The following SNTB2 variants were observed in gnomAD, a reference collection of about 807,000 sequenced individuals.
SNTB2 encodes syntrophin beta 2.
SNTB2 carries 34 observed loss-of-function variants against 46.2 expected under a neutral mutation model. The observed-to-expected ratio is 0.74, with a 90% CI of 0.56 to 0.98. SNTB2 has a LOEUF of 0.98. Among genes scored for constraint, SNTB2 ranks in the 50% least tolerant of loss-of-function variants. The probability of loss-of-function intolerance (pLI) is 0.00; values close to 1 mark genes in which losing one functional copy is unlikely to be tolerated. For missense variants in SNTB2, 603 were observed against 731.4 expected, an observed-to-expected ratio of 0.82 and a Z score of 2.02; for synonymous variants, 290 against 312.6, an observed-to-expected ratio of 0.93 and a Z score of 0.76.
At chr16:69,208,391 AG>A (rs1348332695) in intron 1 of SNTB2, among the ~76,000 whole-genome samples, 1 of 151,292 alleles carries the variant, frequency 6.6e-6, no homozygotes, top group Admixed American at 6.6e-5. Flanking sequence ...GGGCAACAAG[AG>A]CAAAACTTCG....
intron 1 of SNTB2, among the ~76,000 whole-genome samples, chr16:69,209,487 T>A (rs576400035): frequency 6.6e-6 from 1 of 152,340 alleles, no homozygotes; most frequent in African/African-American, 2.4e-5. Flanking sequence ...ATTAAATTTG[T>A]TATCTTGAAA....
chr16:69,191,557 C>CAAA (rs1204153764), intron 1 of SNTB2, among the ~76,000 whole-genome samples: 6 of 60,294 alleles, frequency 1.0e-4, no homozygotes, highest in Non-Finnish European at 1.7e-4. Context: ...GATCCTGTCT[C>CAAA]AAAAAAAAAA....
In SNTB2 at chr16:69,302,650, A is replaced by C. The variant is rs992241755; in HGVS notation, c.*1726A>C. The C allele has an allele frequency of 1.3e-5, 2 of 152,206 alleles. No individual in the cohort carries two copies. The highest frequency in any genetic ancestry group is 2.4e-5 in the African/African-American group (1 of 41,454). The allele number at this position is 152,206 out of a possible 1,614,324, so 9.4% of individuals were successfully genotyped here. On this transcript the variant is annotated 3_prime_UTR_variant, in exon 7 of 7. Coordinates refer to ENST00000336278, the MANE Select transcript of SNTB2 (RefSeq NM_006750.4). ...CATTGTAACTCCATTGTCCTCCTTC[A>C]CCCATAAGTCAGTCCTCCTTCCTCA... is the stretch of plus-strand genomic sequence containing the variant.
chr16:69,231,942 A>G (rs78672891), intron 1 of SNTB2, among the ~76,000 whole-genome samples: 3,750 of 152,276 alleles, frequency 0.025, 160 homozygotes, highest in African/African-American at 0.085. Flanking sequence ...TACTTTATAA[A>G]TGACCAAGAA....
At chr16:69,284,339 C>A in intron 5 of SNTB2, 95 bp downstream of exon 5, 1 of 987,260 alleles carries the variant, frequency 1.0e-6, no homozygotes, top group Non-Finnish European at 1.4e-6. Flanking sequence ...TGATGGATTG[C>A]ATACATGACA....
At chr16:69,222,353 G>A (rs762479583) in intron 1 of SNTB2, among the ~76,000 whole-genome samples, 1 of 152,170 alleles carries the variant, frequency 6.6e-6, no homozygotes, top group Non-Finnish European at 1.5e-5. Context: ...ATCACTTAGG[G>A]AGGCCAAGGT....
chr16:69,300,667 A>G (rs1018579850), intron 6 of SNTB2, among the ~76,000 whole-genome samples, 165 bp from the exon 7 acceptor site: 1 of 152,244 alleles, frequency 6.6e-6, no homozygotes, highest in African/African-American at 2.4e-5. Context: ...ATGACATGGA[A>G]TAACCTTACT....
intron 2 of SNTB2, 103 bp from the exon 3 acceptor site, chr16:69,259,947 A>C (rs1408369803): frequency 8.8e-5 from 79 of 895,360 alleles, no homozygotes; most frequent in Non-Finnish European, 1.8e-5. Context: ...AATTTATTTG[A>C]AGAATGCAAA....
At chr16:69,250,078 C>CA (rs201764505) in intron 2 of SNTB2, among the ~76,000 whole-genome samples, 3 of 150,726 alleles carry the variant, frequency 2.0e-5, no homozygotes, top group Non-Finnish European at 4.4e-5. Context: ...AACTCTGTCT[C>CA]AAAAAAAAAT....
intron 1 of SNTB2, 78 bp downstream of exon 1, chr16:69,187,824 C>T: frequency 2.6e-6 from 3 of 1,140,462 alleles, no homozygotes; most frequent in Non-Finnish European, 2.3e-6. Flanking sequence ...CCTGCCCCGC[C>T]GGCGGGGCGA....
At chr16:69,251,032 G>A (rs1400481313) in intron 2 of SNTB2, among the ~76,000 whole-genome samples, 1 of 144,048 alleles carries the variant, frequency 6.9e-6, no homozygotes, top group Non-Finnish European at 1.5e-5. Context: ...AGGCTGGAGT[G>A]CAGTGGCGGG....
At chr16:69,286,713 GA>G (rs111268474) in intron 5 of SNTB2, among the ~76,000 whole-genome samples, 10,115 of 114,384 alleles carry the variant, frequency 0.088, 368 homozygotes, top group Non-Finnish European at 0.096. Flanking sequence ...TTAATTAAAT[GA>G]AAAAAAAAAA....
At chr16:69,285,070 A>G (rs934105456) in intron 5 of SNTB2, among the ~76,000 whole-genome samples, 1 of 152,226 alleles carries the variant, frequency 6.6e-6, no homozygotes, top group African/African-American at 2.4e-5. Flanking sequence ...AGTACACTCT[A>G]TGATGTTCAT....
intron 1 of SNTB2, among the ~76,000 whole-genome samples, chr16:69,239,306 A>G (rs984710396): frequency 1.3e-5 from 2 of 152,144 alleles, no homozygotes; most frequent in Non-Finnish European, 2.9e-5. Flanking sequence ...ACATCTTCCA[A>G]TATACTGTAT....
intron 1 of SNTB2, among the ~76,000 whole-genome samples, chr16:69,190,810 A>G (rs1047227501): frequency 1.3e-5 from 2 of 152,312 alleles, no homozygotes; most frequent in African/African-American, 4.8e-5. Flanking sequence ...AAGTTACTTA[A>G]TCTTGCTAAG....
chr16:69,197,018 ATT>A (rs551239753), intron 1 of SNTB2, among the ~76,000 whole-genome samples: 1 of 140,724 alleles, frequency 7.1e-6, no homozygotes, highest in Non-Finnish European at 1.6e-5. Context: ...TCTTTTCCTC[ATT>A]TTTTTTTTTC....
chr16:69,300,830 A>G lies in SNTB2; in HGVS notation c.1531-2A>G. ...GTGATGCTTAGTGTCCTTTCTCCAC[A>G]GACCATGGACCTGCACTCTTGTCCG... On this transcript the variant is annotated splice_acceptor_variant, in intron 6 of 6. Coordinates refer to ENST00000336278, the MANE Select transcript of SNTB2 (RefSeq NM_006750.4). LOFTEE classifies it high-confidence loss of function. 1.2e-6 allele frequency: 2 copies of G among 1,607,582 alleles called. No homozygotes were observed. The highest frequency in any genetic ancestry group is 1.7e-6 in the Non-Finnish European group (2 of 1,174,154).
Position 69,260,150 on chromosome 16 carries a change from A to G in SNTB2, c.895A>G (p.Ile299Val), listed in dbSNP as rs1362928617. Residue 299 changes from isoleucine to valine, a missense_variant, in exon 3 of 7, where the codon ATA (isoleucine) becomes GTA (valine). Physicochemically the swap from Ile to Val is conservative, Grantham distance 29. Transcript: ENST00000336278. ...HSWFVAIHTN[I>V]MALLPQVLAE... Reference sequence around the variant, plus strand: ...CTGGTTCGTAGCTATCCACACCAACATAATGGCTCTCCTCCCACAGGTGTT... The same window carrying G: ...CTGGTTCGTAGCTATCCACACCAACGTAATGGCTCTCCTCCCACAGGTGTT... 6.2e-7 allele frequency: 1 copy of G among 1,613,968 alleles called. No homozygotes were observed. Among genetic ancestry groups the G allele is most frequent in the African/African-American group, 1.3e-5 (1 of 74,894 alleles).
intron 3 of SNTB2, among the ~76,000 whole-genome samples, chr16:69,268,638 G>A (rs1008332679): frequency 1.3e-5 from 2 of 152,122 alleles, no homozygotes; most frequent in African/African-American, 4.8e-5. Flanking sequence ...ACCGAGGCGG[G>A]TGGATTGCCT....
Sources: gnomAD v4.1 joint callset for allele counts (sites outside exome capture counted in the v4.1 genomes callset) on GRCh38, gnomAD v4.1.1 for gene constraint, MANE v1.5 for transcripts, NCBI Gene and HGNC (gene_info 2026-07-23, HGNC 2026-07-21) for gene names.